FRMD4B: variants seen among roughly 807,000 people sequenced by gnomAD.
FRMD4B encodes FERM domain containing 4B, also known as FERM domain-containing protein 4B.
A neutral mutation model predicts 141.5 loss-of-function variants in FRMD4B; 74 were observed. The observed-to-expected ratio is 0.52, with a 90% confidence interval of 0.43 to 0.63. The LOEUF is 0.63. Among genes scored for constraint, FRMD4B ranks in the 30% least tolerant of loss-of-function variants. The pLI is 0.00. For missense variants in FRMD4B, 1,366 were observed against 1,253.4 expected (o/e 1.09, Z -1.36); for synonymous variants, 506 against 467.9 (o/e 1.08, Z -1.05).
At chr3:69,277,679 G>A (rs1421293575) in intron 5 of FRMD4B, among the ~76,000 whole-genome samples, 2 of 149,650 alleles carry the variant, frequency 1.3e-5, no homozygotes, top group Non-Finnish European at 3.0e-5. Flanking sequence ...CTACAGGCAC[G>A]CACCACCACG....
intron 1 of FRMD4B, among the ~76,000 whole-genome samples, chr3:69,504,014 C>T (rs1498850): frequency 0.82 from 125,120 of 152,204 alleles, 52,173 homozygotes; most frequent in East Asian, 0.99. Context: ...TGTATTAAAA[C>T]CAGGAAAGAG....
At chr3:69,455,893 C>A (rs936736887) in intron 1 of FRMD4B, among the ~76,000 whole-genome samples, 1 of 152,194 alleles carries the variant, frequency 6.6e-6, no homozygotes, top group African/African-American at 2.4e-5. Flanking sequence ...GGTTCAGGAT[C>A]CTGTTCCACC....
intron 2 of FRMD4B, among the ~76,000 whole-genome samples, chr3:69,426,882 G>T (rs1407629253): frequency 6.6e-6 from 1 of 152,200 alleles, no homozygotes; most frequent in East Asian, 1.9e-4. Flanking sequence ...ATATGGCTGA[G>T]AATTTGTTCT....
intron 1 of FRMD4B, among the ~76,000 whole-genome samples, chr3:69,365,411 G>C (rs1703608586): frequency 6.6e-6 from 1 of 152,152 alleles, no homozygotes; most frequent in African/African-American, 2.4e-5. Context: ...TACATTTTTG[G>C]CCAGCAGACT....
intron 1 of FRMD4B, among the ~76,000 whole-genome samples, chr3:69,454,336 G>A (rs183942301): frequency 6.2e-4 from 94 of 152,336 alleles, no homozygotes; most frequent in African/African-American, 2.1e-3. Context: ...CACTCTGGCC[G>A]CACTTGAGGA....
intron 1 of FRMD4B, among the ~76,000 whole-genome samples, chr3:69,436,974 G>T (rs1705270272): frequency 6.6e-6 from 1 of 152,168 alleles, no homozygotes; most frequent in Non-Finnish European, 1.5e-5. Flanking sequence ...ACAAGAGGCT[G>T]GGGGTACTGG....
chr3:69,280,708 C>T (rs909528604), intron 5 of FRMD4B, among the ~76,000 whole-genome samples: 5 of 152,106 alleles, frequency 3.3e-5, no homozygotes, highest in Non-Finnish European at 7.4e-5. Flanking sequence ...GCAACCTCTG[C>T]CTCCTGGGCT....
At chr3:69,476,015 C>T (rs113328880) in intron 1 of FRMD4B, among the ~76,000 whole-genome samples, 1 of 150,580 alleles carries the variant, frequency 6.6e-6, no homozygotes, top group Non-Finnish European at 1.5e-5. Flanking sequence ...CTTTTGAGAA[C>T]TGTCTGTTCA....
At position 69,536,227 on chromosome 3, in the gene FRMD4B, C is replaced by A; in HGVS notation, c.-129+5979G>T. ...GATCCTCCTTGGCCTCACTTGGTTT[C>A]TTGGCGTCCTTCCCCTTGGCCTTTT... On this transcript the variant is annotated intron_variant, in intron 1 of 5. Coordinates refer to the FRMD4B transcript ENST00000459638. The A allele has an allele frequency of 5.0e-6, 3 of 601,294 alleles. No individual in the cohort carries two copies. In the South Asian group the frequency reaches 5.4e-5, roughly 11 times the overall value. 37.2% of individuals were successfully genotyped at this position (601,294 alleles called of 1,614,324 possible). A position where few individuals can be genotyped will look rare whatever the true frequency, so the allele number is the denominator to read the frequency against.
intron 1 of FRMD4B, among the ~76,000 whole-genome samples, chr3:69,494,573 C>G (rs1706354843): frequency 6.6e-6 from 1 of 152,058 alleles, no homozygotes; most frequent in Non-Finnish European, 1.5e-5. Context: ...GGGTGGTAGT[C>G]AAAGTCACAA....
chr3:69,242,039 T>C (rs1382111126), intron 7 of FRMD4B, among the ~76,000 whole-genome samples: 1 of 152,152 alleles, frequency 6.6e-6, no homozygotes, highest in Non-Finnish European at 1.5e-5. Flanking sequence ...TTCCTATCTA[T>C]AACATGGGGA....
chr3:69,363,438 G>A (rs2200248), intron 1 of FRMD4B, among the ~76,000 whole-genome samples: 147,470 of 148,360 alleles, frequency 0.99, 73,300 homozygotes, highest in Middle Eastern at 1. Context: ...TGCCCAGGCT[G>A]GGGTGCAGTG....
chr3:69,294,002 T>A (rs1700962526), intron 4 of FRMD4B, among the ~76,000 whole-genome samples: 1 of 151,446 alleles, frequency 6.6e-6, no homozygotes. Flanking sequence ...GTGAAACCAA[T>A]GCTTTTCTAA....
At chr3:69,323,370 C>A (rs1354759796) in intron 1 of FRMD4B, among the ~76,000 whole-genome samples, 1 of 151,626 alleles carries the variant, frequency 6.6e-6, no homozygotes, top group African/African-American at 2.4e-5. Flanking sequence ...AATTTGAGAC[C>A]AGCCTGGCCA....
chr3:69,205,207 C>T (rs2093013175), intron 11 of FRMD4B, among the ~76,000 whole-genome samples: 2 of 151,278 alleles, frequency 1.3e-5, no homozygotes, highest in Non-Finnish European at 1.5e-5. Flanking sequence ...TGGTCTGTCA[C>T]CTAAGCTGGA....
At chr3:69,272,089 A>G (rs2093597022) in intron 5 of FRMD4B, among the ~76,000 whole-genome samples, 2 of 152,194 alleles carry the variant, frequency 1.3e-5, no homozygotes, top group South Asian at 2.1e-4. Context: ...TACTTGATCA[A>G]TATCAGTCTT....
chr3:69,395,593 A>G (rs1461517385), intron 2 of FRMD4B, among the ~76,000 whole-genome samples: 2 of 152,240 alleles, frequency 1.3e-5, no homozygotes, highest in Non-Finnish European at 2.9e-5. Context: ...CCTTAGCAGT[A>G]AGAGCAAAAG....
At chr3:69,362,379 AC>A (rs1350769825) in intron 1 of FRMD4B, among the ~76,000 whole-genome samples, 1 of 152,126 alleles carries the variant, frequency 6.6e-6, no homozygotes, top group Non-Finnish European at 1.5e-5. Flanking sequence ...TCTGCCTCTC[AC>A]AATTGTTAAT....
chr3:69,304,008 C>T (rs1418739923), intron 3 of FRMD4B, among the ~76,000 whole-genome samples: 4 of 151,968 alleles, frequency 2.6e-5, no homozygotes, highest in East Asian at 3.9e-4. Context: ...AGTACAGGGT[C>T]GGTGCTAGGC....
Sources: gnomAD v4.1 joint callset for allele counts (sites outside exome capture counted in the v4.1 genomes callset) on GRCh38, gnomAD v4.1.1 for gene constraint, MANE v1.5 for transcripts, NCBI Gene and HGNC (gene_info 2026-07-23, HGNC 2026-07-21) for gene names.